The following MAPKAPK2 variants were observed in gnomAD, a reference collection of about 807,000 sequenced individuals.
The protein encoded by MAPKAPK2 is MAPK activated protein kinase 2, also known as MAP kinase-activated protein kinase 2.
A neutral mutation model predicts 48.8 loss-of-function variants in MAPKAPK2; 9 were observed. The observed-to-expected ratio is 0.18, with a 90% CI of 0.11 to 0.32. The LOEUF (loss-of-function observed/expected upper bound fraction) is 0.32. Ranked by LOEUF, MAPKAPK2 falls within the 10% of genes least tolerant of loss-of-function variation. MAPKAPK2 has a pLI of 1.00. For missense variants in MAPKAPK2, 331 were observed against 498.3 expected, an observed-to-expected ratio of 0.66 and a Z score of 3.20; for synonymous variants, 202 against 190.6, an observed-to-expected ratio of 1.06 and a Z score of -0.49.
chr1:206,727,034 C>T (rs12132083), intron 1 of MAPKAPK2, among the ~76,000 whole-genome samples: 30,683 of 151,808 alleles, frequency 0.2, 3,264 homozygotes, highest in Middle Eastern at 0.31. Flanking sequence ...TTCCCTCTGC[C>T]TGTCCATTTC....
intron 1 of MAPKAPK2, among the ~76,000 whole-genome samples, chr1:206,698,487 A>G (rs1209207265): frequency 6.6e-6 from 1 of 152,232 alleles, no homozygotes; most frequent in Non-Finnish European, 1.5e-5. Context: ...TCCCCTAAGG[A>G]TAGCTCAAAA....
rs543432613 is a variant in MAPKAPK2, at chr1:206,731,078, G to A, written c.768-60G>A. 346 of 1,608,066 alleles carry A rather than the reference G, an allele frequency of 2.2e-4. 3 individuals carry two copies. The South Asian group carries it at 3.5e-3, about 16-fold the overall frequency. On this transcript the variant is annotated intron_variant, in intron 6 of 9. Coordinates refer to ENST00000367103, the MANE Select transcript of MAPKAPK2 (RefSeq NM_032960.4). This position sits in a 1 kb window ranked among gnomAD's most constrained non-coding sequence, Gnocchi z 5.9. ...GAGCCTGTTTCTCATCCTGTTCCTG[G>A]TACAGGGCCACTAAGTGACAGCTGT...
In MAPKAPK2 at chr1:206,691,502, T is replaced by TATATATATATATATATATATATATATAC. The variant is rs1553426248; in HGVS notation, c.279+5997_279+5998insTATATATATATATATATATATATACATA. Among the ~76,000 whole-genome samples the TATATATATATATATATATATATATATAC allele has an allele frequency of 3.4e-3, 448 of 132,418 alleles. 6 individuals carry two copies. Among genetic ancestry groups the TATATATATATATATATATATATATATAC allele is most frequent in the African/African-American group, 4.6e-3 (156 of 34,278 alleles). The allele number at this position is 132,418 out of a possible 152,430, so 86.9% of individuals were successfully genotyped here. A position where few individuals can be genotyped will look rare whatever the true frequency, so the allele number is the denominator to read the frequency against. ...TTTAAGATATATATATATATATATA[T>TATATATATATATATATATATATATATAC]ATACACACATACACAGATATAGATA... On this transcript the variant is annotated intron_variant, in intron 1 of 9. Coordinates refer to ENST00000367103, the MANE Select transcript of MAPKAPK2 (RefSeq NM_032960.4).
chr1:206,731,432 G>C lies in MAPKAPK2; in HGVS notation c.892+170G>C. 1 of 1,350,194 alleles carries C rather than the reference G, an allele frequency of 7.4e-7. No homozygotes were observed. The highest frequency in any genetic ancestry group is 2.5e-5 in the East Asian group (1 of 40,236). The allele number at this position is 1,350,194 out of a possible 1,614,324, so 83.6% of individuals were successfully genotyped here. On this transcript the variant is annotated intron_variant, in intron 7 of 9. Coordinates refer to ENST00000367103, the MANE Select transcript of MAPKAPK2 (RefSeq NM_032960.4). The surrounding 1 kb of genome is among the most constrained non-coding windows in gnomAD (Gnocchi z 5.9). ...GTGCGTCCTGCTTCATTTTGCCTGT[G>C]TGGAGGGCTGGAGGCAGGGCCAAGG...
In MAPKAPK2 at chr1:206,704,456, T is replaced by C. The variant is rs1672892011; in HGVS notation, c.279+18948T>C. Among the ~76,000 whole-genome samples the C allele has an allele frequency of 6.6e-6, 1 of 152,216 alleles. No homozygotes were observed. The highest frequency in any genetic ancestry group is 2.4e-5 in the African/African-American group (1 of 41,456). On this transcript the variant is annotated intron_variant, in intron 1 of 9. Coordinates refer to ENST00000367103, the MANE Select transcript of MAPKAPK2 (RefSeq NM_032960.4). The surrounding 1 kb of genome is among the most constrained non-coding windows in gnomAD (Gnocchi z 4.3). ...GATGGTTATGGTGGTGACTTCTCAC[T>C]GACTGCTGATGTGTACAGTACATTG...
At chr1:206,687,038 T>G (rs1553425697) in intron 1 of MAPKAPK2, among the ~76,000 whole-genome samples, 1 of 152,206 alleles carries the variant, frequency 6.6e-6, no homozygotes, top group African/African-American at 2.4e-5. Context: ...GGACTGGAGT[T>G]GGGTGAATAC....
intron 1 of MAPKAPK2, among the ~76,000 whole-genome samples, chr1:206,699,679 T>C (rs1672737385): frequency 6.6e-6 from 1 of 152,244 alleles, no homozygotes; most frequent in African/African-American, 2.4e-5. Flanking sequence ...GCTTCTCTTT[T>C]GGTCTGAAGA....
intron 1 of MAPKAPK2, among the ~76,000 whole-genome samples, chr1:206,712,478 G>A (rs1013635914): frequency 1.7e-4 from 26 of 152,154 alleles, no homozygotes; most frequent in African/African-American, 5.8e-4. Context: ...ATCCTGTGCT[G>A]TTGAAGATGG....
chr1:206,696,367 T>A, intron 1 of MAPKAPK2: 1 of 676,230 alleles, frequency 1.5e-6, no homozygotes, highest in South Asian at 1.7e-5. Context: ...ATCTTCATTA[T>A]TTTTGTGTCC....
Position 206,729,435 on chromosome 1 carries a change from A to G in MAPKAPK2, c.524A>G (p.Gln175Arg). The part of the protein sequence containing the change: ...EIMKSIGEAI[Q>R]YLHSINIAHR... ...ATGAAGAGCATCGGTGAGGCCATCC[A>G]GTATCTGCATTCAATCAACATTGCC... is the stretch of plus-strand genomic sequence containing the variant. Residue 175 changes from glutamine (Q) to arginine (R), a missense_variant, in exon 4 of 10, where the codon CAG becomes CGG. Physicochemically the swap from Gln to Arg is conservative, Grantham distance 43. Transcript: ENST00000367103. 8.1e-6 allele frequency: 13 copies of G among 1,614,152 alleles called. No homozygotes were observed. Among genetic ancestry groups the G allele is most frequent in the African/African-American group, 1.3e-5 (1 of 75,060 alleles).
chr1:206,706,135 T>C (rs1672950293), intron 1 of MAPKAPK2, among the ~76,000 whole-genome samples: 1 of 151,326 alleles, frequency 6.6e-6, no homozygotes, highest in Admixed American at 6.6e-5. Flanking sequence ...TTTATTTATT[T>C]ATTTATTTAT....
At chr1:206,712,274 A>G (rs1553429600) in intron 1 of MAPKAPK2, among the ~76,000 whole-genome samples, 1 of 152,232 alleles carries the variant, frequency 6.6e-6, no homozygotes, top group African/African-American at 2.4e-5. Context: ...TCACTAAATA[A>G]CAACCTGCGA....
intron 1 of MAPKAPK2, 36 bp from the exon 2 acceptor site, chr1:206,728,674 A>G: frequency 1.2e-6 from 2 of 1,602,818 alleles, no homozygotes; most frequent in Non-Finnish European, 1.7e-6. Context: ...GGCCCATGTG[A>G]CAGCGCAGTT....
rs1553425328 is a variant in MAPKAPK2 at position 206,685,283 on chromosome 1, C to A, written c.54C>A (p.Ala18=). 1 of 503,594 alleles carries A rather than the reference C, an allele frequency of 2.0e-6. No individual in the cohort carries two copies. The allele number at this position is 503,594 out of a possible 1,614,324, so 31.2% of individuals were successfully genotyped here. ...CGCCGGTGCCGTTCCCCGCCCCGGC[C>A]CCGCCGCCGCAGCCCCCCACCCCTG... ...QSPPVPFPAP[A]PPPQPPTPAL... Residue 18 remains alanine (A), a synonymous_variant, in exon 1 of 10, where the codon GCC becomes GCA. Transcript: ENST00000367103.
At chr1:206,710,952 T>A (rs893757234) in intron 1 of MAPKAPK2, among the ~76,000 whole-genome samples, 26 of 152,244 alleles carry the variant, frequency 1.7e-4, no homozygotes, top group Admixed American at 5.2e-4. Flanking sequence ...TGTTTTCTCA[T>A]TTCCTTATTT....
At chr1:206,728,176 A>G (rs1306033735) in intron 1 of MAPKAPK2, among the ~76,000 whole-genome samples, 1 of 152,194 alleles carries the variant, frequency 6.6e-6, no homozygotes, top group Non-Finnish European at 1.5e-5. Flanking sequence ...TCATACTGGC[A>G]TCCGGCTGAC....
intron 1 of MAPKAPK2, among the ~76,000 whole-genome samples, chr1:206,689,736 T>C (rs1419904285): frequency 6.6e-6 from 1 of 152,236 alleles, no homozygotes; most frequent in Non-Finnish European, 1.5e-5. Context: ...AAATTAAAAT[T>C]AATTAACATG....
intron 1 of MAPKAPK2, among the ~76,000 whole-genome samples, chr1:206,697,564 A>G (rs1247329765): frequency 6.6e-6 from 1 of 152,088 alleles, no homozygotes; most frequent in Non-Finnish European, 1.5e-5. Flanking sequence ...ACTCTTTTTA[A>G]CAACCAGATC....
At chr1:206,721,830 C>T (rs782417157) in intron 1 of MAPKAPK2, among the ~76,000 whole-genome samples, 2 of 152,188 alleles carry the variant, frequency 1.3e-5, no homozygotes, top group Non-Finnish European at 1.5e-5. Context: ...AACTTTTGAT[C>T]TGAGTTGGGC....
Sources: allele counts gnomAD v4.1 joint callset (sites outside exome capture counted in the v4.1 genomes callset), GRCh38; gene constraint gnomAD v4.1.1; non-coding constraint Gnocchi (gnomAD v3.1); transcripts MANE v1.5; gene names NCBI Gene and HGNC (gene_info 2026-07-23, HGNC 2026-07-21).